Variants in ACOXL observed in about 807,000 individuals in gnomAD.
ACOXL encodes acyl-coenzyme A oxidase-like protein.
In ACOXL, 70 loss-of-function variants were observed where a neutral mutation model predicts 71.9. That is an observed-to-expected ratio of 0.97 (90% CI 0.80 to 1.19). ACOXL has a LOEUF of 1.19. ACOXL is among the 50% of genes most tolerant of loss of function. The probability of loss-of-function intolerance (pLI) is 0.00; values close to 1 mark genes in which losing one functional copy is unlikely to be tolerated. For synonymous variants in ACOXL, 253 were observed against 281.6 expected (o/e 0.90, Z 1.02); for missense variants, 703 against 736.3 (o/e 0.95, Z 0.52).
intron 1 of ACOXL, among the ~76,000 whole-genome samples, chr2:110,739,148 A>C (rs953009330): frequency 1.3e-5 from 2 of 152,108 alleles, no homozygotes; most frequent in African/African-American, 4.8e-5. Context: ...CAGGTCAGTC[A>C]TGGATGTTTG....
intron 12 of ACOXL, among the ~76,000 whole-genome samples, chr2:110,978,503 G>A (rs2062558637): frequency 6.6e-6 from 1 of 152,190 alleles, no homozygotes. Context: ...CCTCAGAGGT[G>A]TGGGTATAAC....
intron 17 of ACOXL, among the ~76,000 whole-genome samples, chr2:111,116,427 C>T (rs1472737234): frequency 6.6e-6 from 1 of 152,184 alleles, no homozygotes; most frequent in Non-Finnish European, 1.5e-5. Flanking sequence ...CCCACCATAT[C>T]CCTACCCTCT....
Position 110,798,274 on chromosome 2 carries a change from T to G in ACOXL, c.346-336T>G, listed in dbSNP as rs571684480. Among the ~76,000 whole-genome samples, 11 of 149,846 alleles carry G rather than the reference T, an allele frequency of 7.3e-5. No homozygotes were observed. In the East Asian group the frequency reaches 9.8e-4, roughly 13 times the overall value. ...TATTCATTGCTTTTTTTTTTTTTTT[T>G]GAGATGGAGTCTCGCTCTGTCGCCC... is the stretch of plus-strand genomic sequence containing the variant. On this transcript the variant is annotated intron_variant, in intron 5 of 17. Transcript: ENST00000439055.
chr2:110,756,792 T>G, intron 1 of ACOXL, among the ~76,000 whole-genome samples: 1 of 152,220 alleles, frequency 6.6e-6, no homozygotes, highest in East Asian at 1.9e-4. Flanking sequence ...TCTATTTTAT[T>G]CTATTGGTCT....
chr2:110,924,166 A>G (rs1261775108), intron 11 of ACOXL, among the ~76,000 whole-genome samples: 2 of 152,228 alleles, frequency 1.3e-5, no homozygotes, highest in African/African-American at 4.8e-5. Context: ...AAAATACTTT[A>G]TGCTAAAAAA....
intron 12 of ACOXL, among the ~76,000 whole-genome samples, chr2:110,977,360 G>T (rs1034695778): frequency 7.9e-5 from 12 of 151,578 alleles, no homozygotes; most frequent in Admixed American, 7.2e-4. Flanking sequence ...CCCCAGCCTG[G>T]GTGACAGAGT....
At chr2:111,002,114 C>T (rs1025474873) in intron 14 of ACOXL, among the ~76,000 whole-genome samples, 1 of 152,150 alleles carries the variant, frequency 6.6e-6, no homozygotes, top group Non-Finnish European at 1.5e-5. Context: ...GGAAGTGTTT[C>T]CTGTAGCCCT....
chr2:110,793,435 G>A (rs1236636370), intron 3 of ACOXL, among the ~76,000 whole-genome samples: 1 of 152,188 alleles, frequency 6.6e-6, no homozygotes, highest in East Asian at 1.9e-4. Flanking sequence ...GACTTTCTGT[G>A]TCAGTCCTGA....
chr2:110,913,945 C>T (rs1393052759), intron 11 of ACOXL, among the ~76,000 whole-genome samples: 1 of 152,146 alleles, frequency 6.6e-6, no homozygotes, highest in African/African-American at 2.4e-5. Flanking sequence ...CATGTCTCAC[C>T]TCCAACATTG....
chr2:110,826,637 A>G (rs1006002141), intron 9 of ACOXL, among the ~76,000 whole-genome samples: 1 of 152,140 alleles, frequency 6.6e-6, no homozygotes, highest in Non-Finnish European at 1.5e-5. Flanking sequence ...GTGGCCATTG[A>G]TTCATAGCAA....
intron 12 of ACOXL, among the ~76,000 whole-genome samples, chr2:110,936,717 G>A (rs1275297015): frequency 6.6e-6 from 1 of 152,210 alleles, no homozygotes; most frequent in East Asian, 1.9e-4. Flanking sequence ...CAGATAAAGA[G>A]ATACATCGGC....
At chr2:110,798,515 C>A in intron 5 of ACOXL, 95 bp from the exon 6 acceptor site, 1 of 1,012,478 alleles carries the variant, frequency 9.9e-7, no homozygotes, top group Non-Finnish European at 1.5e-6. Flanking sequence ...CTCGGCCCCC[C>A]AAAGTGCTGG....
chr2:110,834,164 G>T (rs186958430), intron 9 of ACOXL, among the ~76,000 whole-genome samples: 159 of 152,186 alleles, frequency 1.0e-3, no homozygotes, highest in African/African-American at 3.6e-3. Context: ...TCTTCTGGCT[G>T]ATTCTCCTCT....
intron 11 of ACOXL, among the ~76,000 whole-genome samples, chr2:110,917,633 A>G (rs144516447): frequency 0.2 from 29,692 of 152,182 alleles, 3,004 homozygotes; most frequent in South Asian, 0.3. Flanking sequence ...TGCAGATGAC[A>G]TGATTGTATA....
At chr2:110,769,226 A>G (rs889011060) in intron 2 of ACOXL, among the ~76,000 whole-genome samples, 18 of 148,618 alleles carry the variant, frequency 1.2e-4, no homozygotes, top group African/African-American at 4.6e-4. Flanking sequence ...GCCTCATGAA[A>G]AAAGAAAGAA....
intron 15 of ACOXL, among the ~76,000 whole-genome samples, chr2:111,038,090 C>G (rs2065609229): frequency 2.0e-5 from 3 of 152,140 alleles, no homozygotes; most frequent in African/African-American, 7.2e-5. Context: ...GAGGGCTCAG[C>G]CTATCAGGCC....
intron 10 of ACOXL, among the ~76,000 whole-genome samples, chr2:110,888,521 C>A (rs1181031483): frequency 6.6e-6 from 1 of 152,190 alleles, no homozygotes; most frequent in African/African-American, 2.4e-5. Flanking sequence ...TTCTTCACTC[C>A]TCCCTTCCTA....
At chr2:111,056,088 A>C (rs571787935) in intron 16 of ACOXL, among the ~76,000 whole-genome samples, 3 of 152,170 alleles carry the variant, frequency 2.0e-5, no homozygotes, top group African/African-American at 7.2e-5. Flanking sequence ...ATAAGGGAAA[A>C]GATTTGGAGG....
intron 12 of ACOXL, among the ~76,000 whole-genome samples, chr2:110,978,560 G>A (rs2062562170): frequency 6.6e-6 from 1 of 152,134 alleles, no homozygotes; most frequent in African/African-American, 2.4e-5. Context: ...AGTTCATGCT[G>A]CAAAACACAG....
Sources: gnomAD v4.1 joint callset for allele counts (sites outside exome capture counted in the v4.1 genomes callset) on GRCh38, gnomAD v4.1.1 for gene constraint, MANE v1.5 for transcripts, NCBI Gene and HGNC (gene_info 2026-07-23, HGNC 2026-07-21) for gene names.